NLGN1: variants seen among roughly 807,000 people sequenced by gnomAD.
The protein encoded by NLGN1 is neuroligin 1, also known as neuroligin-1.
Under a neutral mutation model 65.5 loss-of-function variants are expected in NLGN1, and 12 were observed. That is an observed-to-expected ratio of 0.18 (90% CI 0.12 to 0.30). The LOEUF (loss-of-function observed/expected upper bound fraction) is 0.30, where lower values mean the gene tolerates loss of function less well. Ranked by LOEUF, NLGN1 falls within the 10% of genes least tolerant of loss-of-function variation. The probability of loss-of-function intolerance (pLI) is 1.00; values close to 1 mark genes in which losing one functional copy is unlikely to be tolerated. For missense variants in NLGN1, 750 were observed against 1,007.1 expected (o/e 0.74, Z 3.46); for synonymous variants, 350 against 359.5 (o/e 0.97, Z 0.30).
In NLGN1 at chr3:174,088,992, T is replaced by A. The variant is rs575126267; in HGVS notation, c.647-186323T>A. 3.3e-5 allele frequency among the ~76,000 whole-genome samples: 5 copies of A among 152,030 alleles called. No homozygotes were observed. The East Asian group carries it at 7.8e-4, about 24-fold the overall frequency. On this transcript the variant is annotated intron_variant, in intron 4 of 6. Transcript: ENST00000457714. The stretch of plus-strand genomic sequence containing the variant: ...AAAAACTCCGATCTCTTTTTAAAAA[T>A]CAATAGCTTTTAAAATCCTAAATGC...
chr3:174,190,568 A>C (rs573014661), intron 4 of NLGN1, among the ~76,000 whole-genome samples: 1 of 152,154 alleles, frequency 6.6e-6, no homozygotes, highest in Non-Finnish European at 1.5e-5. Context: ...CTATATTAAC[A>C]TATGCATGTA....
intron 3 of NLGN1, among the ~76,000 whole-genome samples, chr3:173,747,513 C>T (rs80051353): frequency 0.033 from 4,988 of 149,792 alleles, 270 homozygotes; most frequent in African/African-American, 0.11. Flanking sequence ...ATGGTTTGTC[C>T]CTGCATTGTT....
At chr3:173,607,153 A>G (rs1327746689) in intron 3 of NLGN1, among the ~76,000 whole-genome samples, 1 of 151,984 alleles carries the variant, frequency 6.6e-6, no homozygotes, top group East Asian at 1.9e-4. Context: ...TTTAGAGGAT[A>G]AAAGATTTAT....
At chr3:174,181,912 G>C (rs1157629348) in intron 4 of NLGN1, among the ~76,000 whole-genome samples, 1 of 148,738 alleles carries the variant, frequency 6.7e-6, no homozygotes, top group African/African-American at 2.5e-5. Context: ...GGGAGGTCAA[G>C]GCTGCAGTGA....
At chr3:174,136,370 C>A (rs187313165) in intron 4 of NLGN1, 1 of 151,980 alleles carries the variant, frequency 6.6e-6, no homozygotes, top group African/African-American at 2.4e-5. Flanking sequence ...TAAACTGATA[C>A]GCTTCAGTAT....
intron 2 of NLGN1, among the ~76,000 whole-genome samples, chr3:173,490,853 G>A (rs1021352865): frequency 2.0e-5 from 3 of 151,944 alleles, no homozygotes; most frequent in African/African-American, 7.3e-5. Flanking sequence ...TCTCTTTGAA[G>A]CAATTGTGAA....
chr3:173,718,359 T>C (rs772521456), intron 3 of NLGN1, among the ~76,000 whole-genome samples: 1 of 152,152 alleles, frequency 6.6e-6, no homozygotes, highest in Non-Finnish European at 1.5e-5. Context: ...GAAATATCAA[T>C]CTTTTTAGTT....
At position 173,995,534 on chromosome 3, in the gene NLGN1, A is replaced by ATGAC. The variant is rs748713160; in HGVS notation, c.646+187704_646+187707dup. ...GTCAAGATGGTATCCCACTGTACAA[A>ATGAC]TGACTACAGAAAACTTTCTGCCCTG... On this transcript the variant is annotated intron_variant, in intron 4 of 6. Coordinates refer to ENST00000457714, the Ensembl canonical transcript of NLGN1. Among the ~76,000 whole-genome samples, 98 of 152,306 alleles carry ATGAC rather than the reference A, an allele frequency of 6.4e-4. 1 individual carries two copies. The highest frequency in any genetic ancestry group is 6.8e-3 in the Middle Eastern group (2 of 294).
intron 4 of NLGN1, among the ~76,000 whole-genome samples, chr3:173,920,195 T>C (rs549453059): frequency 3.9e-5 from 6 of 152,018 alleles, no homozygotes; most frequent in African/African-American, 1.4e-4. Context: ...TTATCTCTTA[T>C]GGTTATCAAG....
chr3:173,735,128 A>G (rs1773536524), intron 3 of NLGN1, among the ~76,000 whole-genome samples: 1 of 152,134 alleles, frequency 6.6e-6, no homozygotes, highest in South Asian at 2.1e-4. Context: ...GCATGTCCAT[A>G]GTAATATTCC....
Position 173,588,971 on chromosome 3 carries a change from T to G in NLGN1, c.-320-15308T>G, listed in dbSNP as rs558810811. On this transcript the variant is annotated intron_variant, in intron 2 of 6. Transcript: ENST00000457714. ...ATATTAGGGACCGCTAAAGGAAGTT[T>G]AATTAAGAAAAACAAGTTGAGCATG... Among the ~76,000 whole-genome samples the G allele has an allele frequency of 9.2e-5, 14 of 152,334 alleles. No homozygotes were observed. The South Asian group carries it at 2.3e-3, about 25-fold the overall frequency.
chr3:174,286,521 A>G (rs1234187488), exon 7 of NLGN1: 1 of 151,540 alleles, frequency 6.6e-6, no homozygotes, highest in Admixed American at 6.6e-5. Flanking sequence ...AATTAATGGG[A>G]CATATGTCAT....
At chr3:173,675,546 A>G (rs1763006625) in intron 3 of NLGN1, among the ~76,000 whole-genome samples, 2 of 152,140 alleles carry the variant, frequency 1.3e-5, no homozygotes, top group African/African-American at 2.4e-5. Context: ...GCTAATAGGA[A>G]GAGATAGCAC....
intron 3 of NLGN1, among the ~76,000 whole-genome samples, chr3:173,779,275 A>G (rs1458346047): frequency 2.1e-5 from 3 of 143,116 alleles, no homozygotes; most frequent in Admixed American, 1.4e-4. Context: ...AGTATTGAAC[A>G]TAGACTGCAT....
chr3:173,834,713 A>G (rs573419204), intron 4 of NLGN1, among the ~76,000 whole-genome samples: 3 of 152,328 alleles, frequency 2.0e-5, no homozygotes, highest in South Asian at 4.1e-4. Flanking sequence ...CAGAAAAGTT[A>G]AGCAACTTAC....
chr3:173,708,687 G>T lies in NLGN1; in HGVS notation c.494-98993G>T, dbSNP rs189945436. On this transcript the variant is annotated intron_variant, in intron 3 of 6. Coordinates refer to ENST00000457714, the Ensembl canonical transcript of NLGN1. ...TGTCCCCTGAGGAGAAATACAGGAT[G>T]GCAGAGAGCTATAGTGAGGCTTTCT... Among the ~76,000 whole-genome samples the T allele has an allele frequency of 4.9e-4, 74 of 152,252 alleles. No individual in the cohort carries two copies. The East Asian group carries it at 0.012, about 24-fold the overall frequency.
exon 6 of NLGN1, chr3:174,278,878 A>G (rs1751074121): frequency 1.3e-6 from 2 of 1,484,642 alleles, no homozygotes; most frequent in East Asian, 4.7e-5. Context: ...TCAACGAGCA[A>G]TAGCTCAAAG....
intron 4 of NLGN1, among the ~76,000 whole-genome samples, chr3:174,145,028 G>C (rs1252955351): frequency 6.6e-6 from 1 of 151,866 alleles, no homozygotes; most frequent in African/African-American, 2.4e-5. Flanking sequence ...GGGTTTTTAT[G>C]GTTTTAGGTC....
chr3:174,050,037 A>T (rs543974964), intron 4 of NLGN1, among the ~76,000 whole-genome samples: 1 of 152,138 alleles, frequency 6.6e-6, no homozygotes. Flanking sequence ...ATAAGAAAAA[A>T]GTTTAAAATG....
Sources: gnomAD v4.1 joint callset for allele counts (sites outside exome capture counted in the v4.1 genomes callset) on GRCh38, gnomAD v4.1.1 for gene constraint, MANE v1.5 for transcripts, NCBI Gene and HGNC (gene_info 2026-07-23, HGNC 2026-07-21) for gene names.